The following RNLS variants were observed in gnomAD, a reference collection of about 807,000 sequenced individuals.
The protein encoded by RNLS is renalase, FAD dependent amine oxidase.
In RNLS, 39 loss-of-function variants were observed where a neutral mutation model predicts 39.8. The observed-to-expected ratio is 0.98, with a 90% CI of 0.76 to 1.28. The LOEUF is 1.28. RNLS is among the 50% of genes most tolerant of loss of function. RNLS has a pLI of 0.00. For synonymous variants in RNLS, 147 were observed against 150.7 expected (o/e 0.98, Z 0.18); for missense variants, 410 against 413.3 (o/e 0.99, Z 0.07).
At chr10:88,428,970 G>A (rs1420193435) in intron 4 of RNLS, among the ~76,000 whole-genome samples, 1 of 151,892 alleles carries the variant, frequency 6.6e-6, no homozygotes, top group Non-Finnish European at 1.5e-5. Context: ...GGTAGCCATG[G>A]TGAGTTTGAA....
chr10:88,538,389 A>G (rs1847880875), intron 4 of RNLS, among the ~76,000 whole-genome samples: 1 of 152,182 alleles, frequency 6.6e-6, no homozygotes, highest in South Asian at 2.1e-4. Context: ...CAAAAAATAC[A>G]ACAAACAATG....
At chr10:88,446,330 T>C (rs1315656573) in intron 4 of RNLS, among the ~76,000 whole-genome samples, 1 of 151,792 alleles carries the variant, frequency 6.6e-6, no homozygotes, top group Non-Finnish European at 1.5e-5. Context: ...TAGAGGGAAA[T>C]TTATAGCACT....
chr10:88,247,756 A>T, the RNLS span, among the ~76,000 whole-genome samples: 20 of 152,342 alleles, frequency 1.3e-4, no homozygotes, highest in Admixed American at 2.0e-4. Flanking sequence ...CTTTAAGATT[A>T]ACCTGATCAC....
chr10:88,341,617 A>G (rs1236345937), intron 5 of RNLS, among the ~76,000 whole-genome samples: 1 of 152,090 alleles, frequency 6.6e-6, no homozygotes, highest in East Asian at 1.9e-4. Context: ...CAAAACATAG[A>G]GTACATAGAA....
rs560555800 is a variant in RNLS, at chr10:88,278,995, T to C, written c.877-3963A>G. 5.3e-5 allele frequency among the ~76,000 whole-genome samples: 8 copies of C among 152,346 alleles called. No homozygotes were observed. The South Asian group carries it at 1.7e-3, about 32-fold the overall frequency. Reference sequence around the variant, plus strand: ...ATGTGCCAGGTCCCACTTTTGTGGCTATTGCAATTTTGGCAGAAAGCAGAT... The same window carrying C: ...ATGTGCCAGGTCCCACTTTTGTGGCCATTGCAATTTTGGCAGAAAGCAGAT... On this transcript the variant is annotated intron_variant, in intron 6 of 6. Transcript: ENST00000371947.
the RNLS span, among the ~76,000 whole-genome samples, chr10:88,264,727 T>C: frequency 7.2e-5 from 11 of 152,264 alleles, no homozygotes; most frequent in African/African-American, 2.4e-4. Context: ...TTGTAGATTC[T>C]GGATATTAGG....
At chr10:88,533,820 A>G (rs1399702932) in intron 4 of RNLS, among the ~76,000 whole-genome samples, 2 of 152,140 alleles carry the variant, frequency 1.3e-5, no homozygotes, top group African/African-American at 4.8e-5. Flanking sequence ...GAATCCCACA[A>G]ATAGTCTAAA....
At chr10:88,223,834 T>A in the RNLS span, among the ~76,000 whole-genome samples, 1 of 152,144 alleles carries the variant, frequency 6.6e-6, no homozygotes, top group South Asian at 2.1e-4. Flanking sequence ...GAGCCCCAAC[T>A]CTCCTTATGC....
intron 5 of RNLS, among the ~76,000 whole-genome samples, chr10:88,322,387 A>G (rs577073397): frequency 4.6e-5 from 7 of 152,250 alleles, no homozygotes; most frequent in African/African-American, 1.4e-4. Flanking sequence ...TGTGTCCCCA[A>G]CCAAATCTAA....
intron 4 of RNLS, among the ~76,000 whole-genome samples, chr10:88,392,899 T>C (rs527993007): frequency 7.2e-5 from 11 of 152,256 alleles, no homozygotes; most frequent in African/African-American, 2.6e-4. Flanking sequence ...AATCAATAAA[T>C]GTAATCCAGC....
the RNLS span, among the ~76,000 whole-genome samples, chr10:88,199,387 T>G: frequency 6.6e-6 from 1 of 152,176 alleles, no homozygotes; most frequent in Non-Finnish European, 1.5e-5. Context: ...TAATTCTTTG[T>G]TGTTGGCCGT....
At position 88,285,033 on chromosome 10, in the gene RNLS, A is replaced by T; in HGVS notation, c.*321T>A. 1.0e-6 allele frequency: 1 copy of T among 998,024 alleles called. No homozygotes were observed. The highest frequency in any genetic ancestry group is 1.2e-6 in the Non-Finnish European group (1 of 837,854). The allele number at this position is 998,024 out of a possible 1,614,324, so 61.8% of individuals were successfully genotyped here. ...ATAAGGATAATCAAGTTTTTGGCAC[A>T]CAAACTGTTATTGTGATTTAATGTA... On this transcript the variant is annotated 3_prime_UTR_variant, in exon 7 of 7. Coordinates refer to ENST00000331772, the MANE Select transcript of RNLS (RefSeq NM_001031709.3).
At chr10:88,201,018 T>C in the RNLS span, among the ~76,000 whole-genome samples, 1 of 151,722 alleles carries the variant, frequency 6.6e-6, no homozygotes, top group Non-Finnish European at 1.5e-5. Context: ...CAACTAATAG[T>C]TTCTATTTAA....
the RNLS span, among the ~76,000 whole-genome samples, chr10:88,225,503 C>T: frequency 6.6e-6 from 1 of 152,092 alleles, no homozygotes; most frequent in African/African-American, 2.4e-5. Context: ...TGCTTAAGTC[C>T]AGGAGTTTGA....
downstream of RNLS, among the ~76,000 whole-genome samples, chr10:88,282,515 AC>A (rs1843055291): frequency 1.9e-5 from 2 of 104,924 alleles, no homozygotes; most frequent in Admixed American, 9.9e-5. Context: ...ACACACACAC[AC>A]ACACACACAC....
At chr10:88,287,046 C>T (rs1809338614) in intron 6 of RNLS, among the ~76,000 whole-genome samples, 1 of 152,054 alleles carries the variant, frequency 6.6e-6, no homozygotes, top group Admixed American at 6.6e-5. Flanking sequence ...GTCTTGGCTT[C>T]CCAAAGTGTT....
intron 3 of RNLS, among the ~76,000 whole-genome samples, chr10:88,579,429 C>T (rs376292497): frequency 6.6e-6 from 1 of 152,096 alleles, no homozygotes; most frequent in Non-Finnish European, 1.5e-5. Context: ...CTTATTTCTA[C>T]GACCTGCCTT....
chr10:88,215,227 T>C, the RNLS span, among the ~76,000 whole-genome samples: 1 of 152,104 alleles, frequency 6.6e-6, no homozygotes, highest in East Asian at 1.9e-4. Flanking sequence ...CTACCTATTA[T>C]TGAGTGCTTA....
chr10:88,216,243 C>T, the RNLS span, among the ~76,000 whole-genome samples: 1 of 152,132 alleles, frequency 6.6e-6, no homozygotes, highest in Non-Finnish European at 1.5e-5. Flanking sequence ...TACAGAAGCT[C>T]TTCCAGGAAA....
Sources: gnomAD v4.1 joint callset for allele counts (sites outside exome capture counted in the v4.1 genomes callset) on GRCh38, gnomAD v4.1.1 for gene constraint, MANE v1.5 for transcripts, NCBI Gene and HGNC (gene_info 2026-07-23, HGNC 2026-07-21) for gene names.